Variants in MRTFA observed in about 807,000 individuals in gnomAD.
MRTFA encodes the protein myocardin related transcription factor A.
Under a neutral mutation model 83.5 loss-of-function variants are expected in MRTFA, and 20 were observed. The ratio of observed to expected loss-of-function variants is 0.24; its 90% CI spans 0.17 to 0.35. The LOEUF is 0.35. Among genes scored for constraint, MRTFA ranks in the 10% least tolerant of loss-of-function variants. The pLI, the probability that MRTFA is intolerant of heterozygous loss-of-function variation, is 1.00. For missense variants in MRTFA, 1,200 were observed against 1,224.7 expected (o/e 0.98, Z 0.30); for synonymous variants, 659 against 541.2 (o/e 1.22, Z -3.02).
At chr22:40,473,919 G>A (rs2147172121) in intron 3 of MRTFA, among the ~76,000 whole-genome samples, 1 of 152,290 alleles carries the variant, frequency 6.6e-6, no homozygotes, top group African/African-American at 2.4e-5. Context: ...ATTAAAAGTA[G>A]GTGAAGGGTG....
Position 40,620,958 on chromosome 22 carries a change from G to A in MRTFA, c.-84+15520C>T, listed in dbSNP as rs978056667. 6.6e-5 allele frequency among the ~76,000 whole-genome samples: 10 copies of A among 152,192 alleles called. No individual in the cohort carries two copies. In the East Asian group the frequency reaches 1.7e-3, roughly 26 times the overall value. On this transcript the variant is annotated intron_variant, in intron 1 of 14. Coordinates refer to ENST00000355630, the MANE Select transcript of MRTFA (RefSeq NM_020831.6). ...GCACTTTGAGAGGCCAAAGCAGGAG[G>A]ATAGCTTGAGCCCAGGAGTTCAAGA...
intron 4 of MRTFA, among the ~76,000 whole-genome samples, chr22:40,450,370 C>T (rs138440417): frequency 2.1e-3 from 319 of 152,206 alleles, no homozygotes; most frequent in Middle Eastern, 3.4e-3. Context: ...GAAGCGCTTA[C>T]AAATGACACT....
At chr22:40,618,083 T>G (rs566657046) in intron 1 of MRTFA, among the ~76,000 whole-genome samples, 1 of 151,260 alleles carries the variant, frequency 6.6e-6, no homozygotes, top group Admixed American at 6.6e-5. Flanking sequence ...GTTTTTTGTT[T>G]TTTTTTTTTG....
chr22:40,613,854 G>A lies in MRTFA; in HGVS notation c.-83-19119C>T, dbSNP rs1209891798. Among the ~76,000 whole-genome samples the A allele has an allele frequency of 3.3e-5, 5 of 151,814 alleles. No individual in the cohort carries two copies. In the East Asian group the frequency reaches 7.7e-4, roughly 24 times the overall value. On this transcript the variant is annotated intron_variant, in intron 1 of 14. Coordinates refer to ENST00000355630, the MANE Select transcript of MRTFA (RefSeq NM_020831.6). ...GAACACACGAGGCAAAGGTTGCAGT[G>A]AGCCGGGATCGTGTGCACTCCAGCC...
intron 3 of MRTFA, among the ~76,000 whole-genome samples, chr22:40,539,182 T>G (rs1026248899): frequency 3.3e-5 from 5 of 150,308 alleles, no homozygotes; most frequent in Admixed American, 6.6e-5. Context: ...TATTTTTAGT[T>G]GAGATGGGGT....
Position 40,559,972 on chromosome 22 carries a change from T to C in MRTFA, c.-21-7605A>G, listed in dbSNP as rs190102236. ...CACTTAAAATTTACACATATATCTA[T>C]ACACATACACACACACACACTTTAC... On this transcript the variant is annotated intron_variant, in intron 2 of 14. Coordinates refer to ENST00000355630, the MANE Select transcript of MRTFA (RefSeq NM_020831.6). Among the ~76,000 whole-genome samples, 1,134 of 152,304 alleles carry C rather than the reference T, an allele frequency of 7.4e-3. 15 individuals carry two copies. The highest frequency in any genetic ancestry group is 0.026 in the African/African-American group (1,090 of 41,570).
chr22:40,447,649 G>A (rs775648544), intron 4 of MRTFA, among the ~76,000 whole-genome samples: 40 of 152,270 alleles, frequency 2.6e-4, no homozygotes, highest in Admixed American at 7.2e-4. Flanking sequence ...AGGCTTCTGA[G>A]GTAACATAAA....
At chr22:40,559,005 C>T (rs1293306818) in intron 2 of MRTFA, among the ~76,000 whole-genome samples, 1 of 152,118 alleles carries the variant, frequency 6.6e-6, no homozygotes, top group African/African-American at 2.4e-5. Context: ...TGGTCTCGAA[C>T]TCCTGACCTC....
chr22:40,474,899 C>G (rs920065504), intron 3 of MRTFA, among the ~76,000 whole-genome samples: 5 of 152,198 alleles, frequency 3.3e-5, no homozygotes, highest in African/African-American at 1.2e-4. Context: ...AGTGCAGTGG[C>G]ATGATTTTGG....
At chr22:40,519,578 A>G in intron 3 of MRTFA, 1 of 1,344,386 alleles carries the variant, frequency 7.4e-7, no homozygotes, top group Non-Finnish European at 9.9e-7. Context: ...AAAGGCAATC[A>G]CGCTGATTTG....
At chr22:40,502,829 C>G (rs896108313) in intron 3 of MRTFA, among the ~76,000 whole-genome samples, 1 of 152,162 alleles carries the variant, frequency 6.6e-6, no homozygotes, top group South Asian at 2.1e-4. Context: ...CCATCCTCCC[C>G]CCATATTGCT....
chr22:40,479,027 A>G (rs2054045254), intron 3 of MRTFA, among the ~76,000 whole-genome samples: 1 of 152,146 alleles, frequency 6.6e-6, no homozygotes, highest in African/African-American at 2.4e-5. Flanking sequence ...AGGGTATGGA[A>G]GTCCTCAGTA....
intron 12 of MRTFA, 65 bp downstream of exon 12, chr22:40,418,309 G>C (rs147843093): frequency 2.5e-6 from 4 of 1,571,576 alleles, no homozygotes; most frequent in Middle Eastern, 1.8e-4. Context: ...GCCCAAGAGG[G>C]CTGTAGCGAG....
chr22:40,631,588 C>T (rs1440327422), intron 1 of MRTFA, among the ~76,000 whole-genome samples: 1 of 151,964 alleles, frequency 6.6e-6, no homozygotes, highest in Non-Finnish European at 1.5e-5. Flanking sequence ...TGTAACTGCT[C>T]ATCTATCACT....
At chr22:40,523,886 T>A (rs1327666269) in intron 3 of MRTFA, among the ~76,000 whole-genome samples, 2 of 152,148 alleles carry the variant, frequency 1.3e-5, no homozygotes, top group African/African-American at 4.8e-5. Flanking sequence ...AGGAATATAA[T>A]CTTATCGATT....
rs771952332 is a variant in MRTFA, at chr22:40,417,474, G to C, written c.2384C>G (p.Ser795Cys). 9 of 1,557,670 alleles carry C rather than the reference G, an allele frequency of 5.8e-6. No homozygotes were observed. The highest frequency in any genetic ancestry group is 7.8e-6 in the Non-Finnish European group (9 of 1,149,368). ...CTGGGCAGAGGGGGCAGGCGCTGGAGAGCCAGGCTGGGACGAGGGCTGGAC... is the reference window on the plus strand; with the variant it reads ...CTGGGCAGAGGGGGCAGGCGCTGGACAGCCAGGCTGGGACGAGGGCTGGAC... The change falls in exon 13 of 15, where the codon TCT (serine) becomes TGT (cysteine). Residue 795 changes from serine (S) to cysteine (C), a missense_variant. By Grantham distance (112) the Ser-to-Cys change is moderately radical. Coordinates refer to ENST00000355630, the MANE Select transcript of MRTFA (RefSeq NM_020831.6).
intron 3 of MRTFA, among the ~76,000 whole-genome samples, chr22:40,499,469 G>A (rs2054418260): frequency 6.6e-6 from 1 of 152,110 alleles, no homozygotes; most frequent in South Asian, 2.1e-4. Context: ...CAAGATAAAA[G>A]GAGAGTTTCC....
At chr22:40,633,231 A>G (rs1277980800) in intron 1 of MRTFA, among the ~76,000 whole-genome samples, 2 of 152,222 alleles carry the variant, frequency 1.3e-5, no homozygotes, top group Non-Finnish European at 2.9e-5. Context: ...ATATACACAC[A>G]CAAGAACACG....
At chr22:40,494,877 G>T (rs1356894389) in intron 3 of MRTFA, among the ~76,000 whole-genome samples, 1 of 152,238 alleles carries the variant, frequency 6.6e-6, no homozygotes, top group South Asian at 2.1e-4. Flanking sequence ...CTGGGAAACA[G>T]GGAAGGAGAC....
Sources: gnomAD v4.1 joint callset for allele counts (sites outside exome capture counted in the v4.1 genomes callset) on GRCh38, gnomAD v4.1.1 for gene constraint, MANE v1.5 for transcripts, NCBI Gene and HGNC (gene_info 2026-07-23, HGNC 2026-07-21) for gene names.